The following DMD variants were observed in gnomAD, a reference collection of about 807,000 sequenced individuals.
The protein encoded by DMD is mutant dystrophin.
Under a neutral mutation model 330.1 loss-of-function variants are expected in DMD, and 63 were observed. The ratio of observed to expected loss-of-function variants is 0.19; its 90% CI spans 0.16 to 0.24. The LOEUF (loss-of-function observed/expected upper bound fraction) is 0.24. Ranked by LOEUF, DMD falls within the 10% of genes least tolerant of loss-of-function variation. DMD has a pLI of 1.00. For missense variants in DMD, 3,344 were observed against 2,684.1 expected (o/e 1.25, Z -5.43); for synonymous variants, 1,223 against 959.8 (o/e 1.27, Z -5.07).
chrX:31,421,393 T>C lies in DMD; in HGVS notation c.9084+23088A>G, dbSNP rs778220090. ...GATTTCTGGGAAAATGCGAGAACTT[T>C]AGTTAAACTTGTTTATTTTATTCTA... On this transcript the variant is annotated intron_variant, in intron 60 of 78. Coordinates refer to ENST00000357033, the MANE Select transcript of DMD (RefSeq NM_004006.3). 1.3e-4 allele frequency among the ~76,000 whole-genome samples: 15 copies of C among 112,290 alleles called. No individual in the cohort carries two copies. The South Asian group carries it at 5.6e-3, about 42-fold the overall frequency.
intron 43 of DMD, among the ~76,000 whole-genome samples, chrX:32,223,867 C>A (rs1243756206): frequency 9.0e-6 from 1 of 111,284 alleles, no homozygotes; most frequent in Non-Finnish European, 1.9e-5. Context: ...GTTTGGATTT[C>A]TTATTTTGTA....
chrX:31,572,688 T>C (rs1603389954), intron 55 of DMD, among the ~76,000 whole-genome samples: 1 of 112,192 alleles, frequency 8.9e-6, no homozygotes, highest in East Asian at 2.8e-4. Context: ...GGGATTAAAC[T>C]CCACTAGACC....
intron 28 of DMD, among the ~76,000 whole-genome samples, chrX:32,439,951 C>T (rs914996371): frequency 1.2e-4 from 13 of 111,042 alleles, no homozygotes; most frequent in African/African-American, 3.9e-4. Flanking sequence ...TTTGTTTCCC[C>T]ATCTTTTCTA....
intron 47 of DMD, among the ~76,000 whole-genome samples, chrX:31,915,001 A>G (rs2094591277): frequency 8.9e-6 from 1 of 112,530 alleles, no homozygotes; most frequent in Non-Finnish European, 1.9e-5. Flanking sequence ...AGTACCCCAT[A>G]AATACATACA....
At chrX:32,469,807 T>C (rs1466909900) in intron 22 of DMD, among the ~76,000 whole-genome samples, 1 of 111,296 alleles carries the variant, frequency 9.0e-6, no homozygotes, top group Non-Finnish European at 1.9e-5. Context: ...TTTCCACTCC[T>C]GTAAATTATG....
intron 1 of DMD, among the ~76,000 whole-genome samples, chrX:33,039,250 A>G (rs980016441): frequency 4.5e-5 from 5 of 111,305 alleles, no homozygotes; most frequent in African/African-American, 1.6e-4. Flanking sequence ...TCAACTTCAA[A>G]AGTAGAAGTC....
chrX:33,136,938 T>G (rs1434278056), intron 1 of DMD, among the ~76,000 whole-genome samples: 1 of 111,019 alleles, frequency 9.0e-6, no homozygotes, highest in Non-Finnish European at 1.9e-5. Context: ...AGAAGAATTT[T>G]TAAGTGGTAC....
chrX:32,750,026 G>A (rs1431315159), intron 7 of DMD, among the ~76,000 whole-genome samples: 2 of 112,055 alleles, frequency 1.8e-5, no homozygotes, highest in Non-Finnish European at 3.8e-5. Flanking sequence ...TGAAAAAACA[G>A]ACGCCTTGCC....
chrX:31,733,297 T>G (rs1241762969), intron 51 of DMD, among the ~76,000 whole-genome samples: 1 of 111,765 alleles, frequency 8.9e-6, no homozygotes, highest in Non-Finnish European at 1.9e-5. Context: ...TAGACAAAAT[T>G]ACAATTTTTT....
chrX:31,292,324 G>A (rs752601731), intron 62 of DMD, among the ~76,000 whole-genome samples: 4 of 111,211 alleles, frequency 3.6e-5, no homozygotes, highest in Non-Finnish European at 5.7e-5. Flanking sequence ...TCACACAACA[G>A]GATATCCAAA....
At chrX:32,122,487 T>TA (rs1348158535) in intron 44 of DMD, among the ~76,000 whole-genome samples, 3 of 111,967 alleles carry the variant, frequency 2.7e-5, no homozygotes, top group African/African-American at 9.7e-5. Context: ...GGTAGGAGTC[T>TA]ACAGCTTTTA....
intron 16 of DMD, among the ~76,000 whole-genome samples, chrX:32,554,854 G>A (rs2050023742): frequency 1.1e-4 from 7 of 64,027 alleles, no homozygotes; most frequent in Non-Finnish European, 2.1e-4. Context: ...GAGAGAGAGA[G>A]AGAGAGAGAG....
chrX:31,725,896 G>T (rs771314826), intron 52 of DMD, among the ~76,000 whole-genome samples: 1 of 112,288 alleles, frequency 8.9e-6, no homozygotes, highest in Admixed American at 9.4e-5. Context: ...AGGTATTATG[G>T]TATTATGCCT....
At chrX:31,182,985 G>C in intron 67 of DMD, 81 bp from the exon 68 acceptor site, 1 of 828,409 alleles carries the variant, frequency 1.2e-6, no homozygotes, top group East Asian at 3.4e-5. Flanking sequence ...GTGTATATCA[G>C]TTCGATTAAT....
chrX:31,568,537 T>C (rs962604933), intron 55 of DMD, among the ~76,000 whole-genome samples: 29 of 111,972 alleles, frequency 2.6e-4, no homozygotes, highest in African/African-American at 9.1e-4. Context: ...AGTAATTTTC[T>C]TTGCAATGAA....
intron 37 of DMD, among the ~76,000 whole-genome samples, chrX:32,357,754 G>A (rs955502144): frequency 9.1e-6 from 1 of 109,691 alleles, no homozygotes; most frequent in African/African-American, 3.3e-5. Flanking sequence ...TGATTAGTCT[G>A]GCTGTCCATG....
intron 1 of DMD, among the ~76,000 whole-genome samples, chrX:33,271,541 C>T (rs1288266552): frequency 9.0e-6 from 1 of 110,634 alleles, no homozygotes; most frequent in South Asian, 3.8e-4. Context: ...CCAAGGCAGG[C>T]AGATCACCTG....
At chrX:32,287,782 T>C in intron 42 of DMD, 81 bp from the exon 43 acceptor site, 1 of 670,347 alleles carries the variant, frequency 1.5e-6, no homozygotes. Context: ...TATATACAAA[T>C]CCCAAAGGTA....
At chrX:32,074,299 T>G (rs917076838) in intron 44 of DMD, among the ~76,000 whole-genome samples, 2 of 111,657 alleles carry the variant, frequency 1.8e-5, no homozygotes, top group Admixed American at 1.9e-4. Context: ...ATATACAGTA[T>G]TTTCTCAGAA....
Sources: gnomAD v4.1 joint callset for allele counts (sites outside exome capture counted in the v4.1 genomes callset) on GRCh38, gnomAD v4.1.1 for gene constraint, MANE v1.5 for transcripts, NCBI Gene and HGNC (gene_info 2026-07-23, HGNC 2026-07-21) for gene names.